Variants in PIK3R1 observed in about 807,000 individuals in gnomAD.
The protein encoded by PIK3R1 is phosphoinositide-3-kinase regulatory subunit 1.
Under a neutral mutation model 98.0 loss-of-function variants are expected in PIK3R1, and 29 were observed. The observed-to-expected ratio is 0.30, with a 90% CI of 0.22 to 0.40. The LOEUF is 0.40. PIK3R1 is among the 10% of genes least tolerant of loss of function. PIK3R1 has a pLI of 1.00. For synonymous variants in PIK3R1, 282 were observed against 311.8 expected (o/e 0.90, Z 1.01); for missense variants, 596 against 872.7 (o/e 0.68, Z 3.99).
chr5:68,238,847 A>C, intron 2 of PIK3R1, among the ~76,000 whole-genome samples: 1 of 152,220 alleles, frequency 6.6e-6, no homozygotes, highest in East Asian at 1.9e-4. Context: ...TTCATGTGAA[A>C]TCAATGAAAA....
chr5:68,226,971 C>G lies in PIK3R1; in HGVS notation c.296C>G (p.Pro99Arg). ...PRPPRPLPVA[P>R]GSSKTEADVE... ...CCACCTCGGCCTCTTCCTGTTGCAC[C>G]AGGTTCTTCGAAAACTGAAGCAGAT... Residue 99 changes from proline (P) to arginine (R), a missense_variant, in exon 2 of 16, where the codon CCA becomes CGA. This residue lies in a region of PIK3R1 where 352 missense variants were observed against 393.3 expected (regional missense o/e 0.90). Coordinates refer to ENST00000521381, the MANE Select transcript of PIK3R1 (RefSeq NM_181523.3). 6.2e-7 allele frequency: 1 copy of G among 1,613,258 alleles called. No homozygotes were observed. Among genetic ancestry groups the G allele is most frequent in the African/African-American group, 1.3e-5 (1 of 74,862 alleles).
At chr5:68,269,014 A>T (rs939164344) in intron 2 of PIK3R1, among the ~76,000 whole-genome samples, 1 of 152,168 alleles carries the variant, frequency 6.6e-6, no homozygotes, top group Non-Finnish European at 1.5e-5. Context: ...ACGAGTGGAA[A>T]ATGCAGCATC....
intron 2 of PIK3R1, among the ~76,000 whole-genome samples, chr5:68,272,002 G>A (rs925784660): frequency 1.3e-5 from 2 of 152,188 alleles, no homozygotes; most frequent in Non-Finnish European, 2.9e-5. Context: ...TGTAATCCCA[G>A]CATTTTGAGA....
Position 68,298,140 on chromosome 5 carries a change from G to A in PIK3R1, c.*539G>A, listed in dbSNP as rs748978875. ...TGAACGATATGTAGCAGAAAGGCAC[G>A]TCCACTCACAAGGGACGCTTTGGGA... On this transcript the variant is annotated 3_prime_UTR_variant, in exon 16 of 16. Transcript: ENST00000521381. 1.7e-5 allele frequency: 4 copies of A among 231,048 alleles called. No homozygotes were observed. Among genetic ancestry groups the A allele is most frequent in the African/African-American group, 4.4e-5 (2 of 45,180 alleles). 14.3% of individuals were successfully genotyped at this position (231,048 alleles called of 1,614,324 possible).
intron 2 of PIK3R1, among the ~76,000 whole-genome samples, chr5:68,237,550 G>A (rs143243220): frequency 5.1e-4 from 76 of 149,420 alleles, no homozygotes; most frequent in Non-Finnish European, 8.0e-4. Flanking sequence ...AGAACTTCTC[G>A]AATGCGAAGT....
chr5:68,265,460 G>T (rs961704414), intron 2 of PIK3R1, among the ~76,000 whole-genome samples: 8 of 152,130 alleles, frequency 5.3e-5, no homozygotes, highest in African/African-American at 1.9e-4. Flanking sequence ...TGCCAGTGTG[G>T]TTGGGTTCTG....
chr5:68,252,654 T>G (rs573805332), intron 2 of PIK3R1, among the ~76,000 whole-genome samples: 1 of 152,342 alleles, frequency 6.6e-6, no homozygotes, highest in Admixed American at 6.5e-5. Context: ...GATAGTAAAT[T>G]AGTAATTTTC....
chr5:68,242,366 C>T (rs1232432217), intron 2 of PIK3R1, among the ~76,000 whole-genome samples: 1 of 152,176 alleles, frequency 6.6e-6, no homozygotes, highest in African/African-American at 2.4e-5. Context: ...AAACTTCACA[C>T]CATAGTCATA....
chr5:68,260,028 T>G (rs1469270761), intron 2 of PIK3R1, among the ~76,000 whole-genome samples: 1 of 152,214 alleles, frequency 6.6e-6, no homozygotes, highest in Non-Finnish European at 1.5e-5. Flanking sequence ...AGATTATATT[T>G]TCTGAGATAA....
At chr5:68,265,104 G>T (rs2112133592) in intron 2 of PIK3R1, among the ~76,000 whole-genome samples, 1 of 152,202 alleles carries the variant, frequency 6.6e-6, no homozygotes, top group Admixed American at 6.5e-5. Context: ...GTGTGATTGT[G>T]GTCCGAGGAC....
intron 7 of PIK3R1, chr5:68,288,838 T>C (rs1747221207): frequency 7.3e-7 from 1 of 1,370,658 alleles, no homozygotes; most frequent in Non-Finnish European, 1.0e-6. Context: ...TGTGTGTGCG[T>C]GCGCCCCTGT....
intron 15 of PIK3R1, 92 bp from the exon 16 acceptor site, chr5:68,297,320 T>C (rs983795517): frequency 1.8e-6 from 2 of 1,116,964 alleles, no homozygotes; most frequent in Non-Finnish European, 1.3e-6. Context: ...AAGTTGAGAC[T>C]GCACAATAAT....
intron 4 of PIK3R1, among the ~76,000 whole-genome samples, chr5:68,278,899 C>T (rs1561287958): frequency 6.6e-6 from 1 of 152,150 alleles, no homozygotes; most frequent in South Asian, 2.1e-4. Flanking sequence ...GAGATCACAC[C>T]AGAGATGCAC....
intron 1 of PIK3R1, among the ~76,000 whole-genome samples, chr5:68,218,930 A>C (rs1057001802): frequency 2.0e-5 from 3 of 152,238 alleles, no homozygotes; most frequent in African/African-American, 4.8e-5. Flanking sequence ...CAAAGTATTC[A>C]TATCATTTAC....
intron 2 of PIK3R1, among the ~76,000 whole-genome samples, chr5:68,270,902 T>C (rs1212214092): frequency 6.6e-6 from 1 of 152,202 alleles, no homozygotes; most frequent in African/African-American, 2.4e-5. Flanking sequence ...TGCTCTTTCA[T>C]TTTATAATAT....
chr5:68,251,586 T>C (rs1282540435), intron 2 of PIK3R1, among the ~76,000 whole-genome samples: 2 of 151,506 alleles, frequency 1.3e-5, no homozygotes, highest in African/African-American at 4.9e-5. Context: ...GGGGGCGGGG[T>C]GGAAAGAGGG....
intron 2 of PIK3R1, among the ~76,000 whole-genome samples, chr5:68,271,508 T>C (rs1045027493): frequency 1.8e-4 from 27 of 152,232 alleles, no homozygotes; most frequent in Admixed American, 5.9e-4. Flanking sequence ...TTTGCCCTTG[T>C]GCAGGCAAGT....
Position 68,301,399 on chromosome 5 carries a change from T to A in PIK3R1, c.*3798T>A. 2.8e-5 allele frequency: 1 copy of A among 35,502 alleles called. No individual in the cohort carries two copies. 2.2% of individuals were successfully genotyped at this position (35,502 alleles called of 1,614,324 possible). On this transcript the variant is annotated 3_prime_UTR_variant, in exon 16 of 16. Transcript: ENST00000521381. ...GTGTGTGTGTGTGTGTGTGTATATA[T>A]ATATATATATATATATATATATATA...
intron 2 of PIK3R1, among the ~76,000 whole-genome samples, chr5:68,262,874 GATACATGTAGATACATGTATACATAT>G (rs1561279008): frequency 6.8e-5 from 6 of 87,836 alleles, no homozygotes; most frequent in African/African-American, 1.4e-4. Context: ...TATACATGTA[GATACATGTAGATACATGTATACATAT>G]ATACATGTAG....
Sources: gnomAD v4.1 joint callset for allele counts (sites outside exome capture counted in the v4.1 genomes callset) on GRCh38, gnomAD v4.1.1 for gene constraint, gnomAD v4.1.1 regional missense constraint, MANE v1.5 for transcripts, NCBI Gene and HGNC (gene_info 2026-07-23, HGNC 2026-07-21) for gene names.